GET3: variants seen among roughly 807,000 people sequenced by gnomAD.
The protein encoded by GET3 is ATPase GET3.
Under a neutral mutation model 32.4 loss-of-function variants are expected in GET3, and 15 were observed. The ratio of observed to expected loss-of-function variants is 0.46; its 90% CI spans 0.31 to 0.71. The LOEUF is 0.71. GET3 is among the 30% of genes least tolerant of loss of function. The pLI is 0.05. For synonymous variants in GET3, 198 were observed against 185.6 expected, an observed-to-expected ratio of 1.07 and a Z score of -0.54; for missense variants, 333 against 459.0, an observed-to-expected ratio of 0.73 and a Z score of 2.51.
At chr19:12,742,704 G>A (rs1308735273) in intron 2 of GET3, among the ~76,000 whole-genome samples, 1 of 151,888 alleles carries the variant, frequency 6.6e-6, no homozygotes. Flanking sequence ...GTGAGCCACC[G>A]CGCCTGGCCT....
Position 12,745,226 on chromosome 19 carries a change from C to T in GET3, c.310-151C>T, listed in dbSNP as rs992641959. The T allele has an allele frequency of 1.6e-5, 13 of 811,926 alleles. No homozygotes were observed. The highest frequency in any genetic ancestry group is 1.2e-4 in the South Asian group (7 of 57,318). 50.3% of individuals were successfully genotyped at this position (811,926 alleles called of 1,614,324 possible). ...AGTACTACCTCAGGGTCCCCCCAGCCGTGACCTAATGAAATGCCTGTGGTC... is the reference window on the plus strand; with the variant it reads ...AGTACTACCTCAGGGTCCCCCCAGCTGTGACCTAATGAAATGCCTGTGGTC... On this transcript the variant is annotated intron_variant, in intron 2 of 6. Transcript: ENST00000357332. The surrounding 1 kb of genome is among the most constrained non-coding windows in gnomAD (Gnocchi z 5.0).
upstream of GET3, chr19:12,737,441 A>G (rs1463473932): frequency 1.4e-6 from 2 of 1,393,828 alleles, no homozygotes; most frequent in Non-Finnish European, 1.9e-6. Context: ...GGAATGTGAT[A>G]GAGAATTTCC....
At position 12,745,840 on chromosome 19, in the gene GET3, G is replaced by A. The variant is rs573759544; in HGVS notation, c.609+81G>A. The A allele has an allele frequency of 1.2e-4, 177 of 1,494,550 alleles. No individual in the cohort carries two copies. The highest frequency in any genetic ancestry group is 1.8e-4 in the South Asian group (14 of 78,006). The allele number at this position is 1,494,550 out of a possible 1,614,324, so 92.6% of individuals were successfully genotyped here. A position where few individuals can be genotyped will look rare whatever the true frequency, so the allele number is the denominator to read the frequency against. ...CCCGGGCCCCCAGACCCTCAAATGC[G>A]CACTAACAATTCCCTTTCCTTCCCA... On this transcript the variant is annotated intron_variant, in intron 4 of 6. Transcript: ENST00000357332. The surrounding 1 kb of genome is among the most constrained non-coding windows in gnomAD (Gnocchi z 5.0).
chr19:12,746,436 A>G (rs1165328545), intron 4 of GET3, among the ~76,000 whole-genome samples: 2 of 151,940 alleles, frequency 1.3e-5, no homozygotes, highest in Non-Finnish European at 2.9e-5. Context: ...CCCAGCCCCC[A>G]TGGGTTATTA....
At position 12,747,054 on chromosome 19, in the gene GET3, T is replaced by C. The variant is rs1967785785; in HGVS notation, c.610-143T>C. On this transcript the variant is annotated intron_variant, in intron 4 of 6. Coordinates refer to ENST00000357332, the MANE Select transcript of GET3 (RefSeq NM_004317.4). This position sits in a 1 kb window ranked among gnomAD's most constrained non-coding sequence, Gnocchi z 4.0. ...AGAAAGAAATGGAAAAGCTAGTATTTGACCAACCCCAGGAATCTGCTTATG... is the reference window on the plus strand; with the variant it reads ...AGAAAGAAATGGAAAAGCTAGTATTCGACCAACCCCAGGAATCTGCTTATG... The C allele has an allele frequency of 1.7e-5, 9 of 544,222 alleles. No individual in the cohort carries two copies. The highest frequency in any genetic ancestry group is 2.2e-5 in the Non-Finnish European group (7 of 314,696). The allele number at this position is 544,222 out of a possible 1,614,324, so 33.7% of individuals were successfully genotyped here.
chr19:12,741,629 G>A (rs1052304440), intron 2 of GET3, among the ~76,000 whole-genome samples: 6 of 151,740 alleles, frequency 4.0e-5, no homozygotes, highest in African/African-American at 9.7e-5. Context: ...CGTGGTGGCC[G>A]GCACCTGTAG....
At chr19:12,737,360 T>A, upstream of GET3, 1 of 1,160,236 alleles carries the variant, frequency 8.6e-7, no homozygotes, top group Non-Finnish European at 1.1e-6. Flanking sequence ...CAAAGAATAG[T>A]GAAAATATAA....
intron 2 of GET3, among the ~76,000 whole-genome samples, chr19:12,743,427 G>T (rs1328149900): frequency 1.3e-5 from 2 of 151,494 alleles, no homozygotes; most frequent in African/African-American, 2.4e-5. Context: ...AGTGAGCCAA[G>T]ATCACGCCAT....
At chr19:12,743,709 C>G (rs559732248) in intron 2 of GET3, among the ~76,000 whole-genome samples, 1 of 135,098 alleles carries the variant, frequency 7.4e-6, no homozygotes, top group South Asian at 2.5e-4. Context: ...GGTGACAGAG[C>G]GAGACTCCAT....
chr19:12,738,692 G>A, intron 2 of GET3, 34 bp downstream of exon 2: 3 of 1,613,600 alleles, frequency 1.9e-6, no homozygotes, highest in Non-Finnish European at 2.5e-6. Flanking sequence ...CCACTTCTGG[G>A]AAAAGCCTCT....
chr19:12,742,205 G>A (rs979796782), intron 2 of GET3, among the ~76,000 whole-genome samples: 1 of 151,388 alleles, frequency 6.6e-6, no homozygotes, highest in Non-Finnish European at 1.5e-5. Flanking sequence ...GTTTGAGGCT[G>A]CAATGAGCTA....
intron 2 of GET3, among the ~76,000 whole-genome samples, chr19:12,743,760 G>A (rs1440126083): frequency 1.0e-5 from 1 of 96,260 alleles, no homozygotes; most frequent in Non-Finnish European, 1.9e-5. Context: ...ATGGAGTCTC[G>A]CTCTGTCGCC....
chr19:12,743,606 C>T (rs1473060685), intron 2 of GET3, among the ~76,000 whole-genome samples: 2 of 150,952 alleles, frequency 1.3e-5, no homozygotes, highest in African/African-American at 4.9e-5. Context: ...CTGGCTAACA[C>T]AGTGAAACCC....
intron 1 of GET3, among the ~76,000 whole-genome samples, chr19:12,738,123 C>T (rs1487588387): frequency 6.6e-6 from 1 of 152,104 alleles, no homozygotes; most frequent in Non-Finnish European, 1.5e-5. Flanking sequence ...GACAGATTAT[C>T]CTGGACAAGC....
At chr19:12,743,604 C>A (rs1346972233) in intron 2 of GET3, among the ~76,000 whole-genome samples, 2 of 151,436 alleles carry the variant, frequency 1.3e-5, no homozygotes, top group Non-Finnish European at 2.9e-5. Flanking sequence ...TCCTGGCTAA[C>A]ACAGTGAAAC....
In GET3 at chr19:12,747,442, G is replaced by A. The variant is rs1967793963; in HGVS notation, c.765G>A (p.Leu255=). ...TATGCATTGCTGAGTTCCTGTCCCT[G>A]TATGAGACAGAGAGGCTGATCCAGG... ...ICVCIAEFLS[L]YETERLIQEL... Residue 255 remains leucine (L), a synonymous_variant, in exon 6 of 7, where the codon CTG becomes CTA. Coordinates refer to ENST00000357332, the MANE Select transcript of GET3 (RefSeq NM_004317.4). This position sits in a 1 kb window ranked among gnomAD's most constrained non-coding sequence, Gnocchi z 4.0. 6.2e-7 allele frequency: 1 copy of A among 1,614,100 alleles called. No individual in the cohort carries two copies. The highest frequency in any genetic ancestry group is 1.3e-5 in the African/African-American group (1 of 75,006).
intron 2 of GET3, among the ~76,000 whole-genome samples, chr19:12,744,064 A>T (rs1209010965): frequency 6.7e-6 from 1 of 149,770 alleles, no homozygotes; most frequent in African/African-American, 2.4e-5. Flanking sequence ...AAAAAAAAAA[A>T]AATTAGCCAG....
rs745827476 is a variant in GET3 at position 12,747,158 on chromosome 19, C to T, written c.610-39C>T. On this transcript the variant is annotated intron_variant, in intron 4 of 6. Coordinates refer to ENST00000357332, the MANE Select transcript of GET3 (RefSeq NM_004317.4). This position sits in a 1 kb window ranked among gnomAD's most constrained non-coding sequence, Gnocchi z 4.0. The stretch of plus-strand genomic sequence containing the variant: ...GTGAACCCCCAACCCAGGAGGTCGC[C>T]GCAGGTAAGCTATGAGCCCTCCCAC... 16 of 1,524,958 alleles carry T rather than the reference C, an allele frequency of 1.0e-5. No individual in the cohort carries two copies. Among genetic ancestry groups the T allele is most frequent in the Admixed American group, 4.0e-5 (2 of 49,702 alleles). The allele number at this position is 1,524,958 out of a possible 1,614,324, so 94.5% of individuals were successfully genotyped here.
intron 2 of GET3, among the ~76,000 whole-genome samples, chr19:12,739,029 G>A (rs1008929656): frequency 6.6e-6 from 1 of 151,918 alleles, no homozygotes; most frequent in African/African-American, 2.4e-5. Flanking sequence ...ACCCTTTGAC[G>A]GCCAGGTGGA....
Sources: allele counts gnomAD v4.1 joint callset (sites outside exome capture counted in the v4.1 genomes callset), GRCh38; gene constraint gnomAD v4.1.1; non-coding constraint Gnocchi (gnomAD v3.1); transcripts MANE v1.5; gene names NCBI Gene and HGNC (gene_info 2026-07-23, HGNC 2026-07-21).